ITPR2: variants seen among roughly 807,000 people sequenced by gnomAD.
ITPR2 encodes the protein inositol 1,4,5-trisphosphate-gated calcium channel ITPR2.
ITPR2 carries 207 observed loss-of-function variants against 317.1 expected under a neutral mutation model. The ratio of observed to expected loss-of-function variants is 0.65; its 90% confidence interval spans 0.58 to 0.73. ITPR2 has a LOEUF of 0.73. ITPR2 is among the 30% of genes least tolerant of loss of function. The pLI, the probability that ITPR2 is intolerant of heterozygous loss-of-function variation, is 0.00. For missense variants in ITPR2, 2,613 were observed against 3,284.0 expected (o/e 0.80, Z 4.99); for synonymous variants, 1,156 against 1,149.1 (o/e 1.01, Z -0.12).
chr12:26,391,592 T>G (rs1219813238), intron 54 of ITPR2, among the ~76,000 whole-genome samples: 2 of 130,478 alleles, frequency 1.5e-5, no homozygotes, highest in South Asian at 2.6e-4. Context: ...TTTGACAGAG[T>G]CTTGCTCTGT....
chr12:26,634,277 C>A (rs1300166747), intron 21 of ITPR2, among the ~76,000 whole-genome samples: 2 of 152,182 alleles, frequency 1.3e-5, no homozygotes, highest in Admixed American at 1.3e-4. Context: ...CACAGCCATG[C>A]AAAGCTTCTA....
At chr12:26,487,901 C>T (rs909642187) in intron 39 of ITPR2, among the ~76,000 whole-genome samples, 1 of 152,160 alleles carries the variant, frequency 6.6e-6, no homozygotes, top group African/African-American at 2.4e-5. Flanking sequence ...CATTGCTTTG[C>T]ATGGGGTCTC....
intron 43 of ITPR2, among the ~76,000 whole-genome samples, chr12:26,477,224 G>C (rs977345005): frequency 2.0e-5 from 3 of 152,050 alleles, no homozygotes; most frequent in African/African-American, 7.2e-5. Flanking sequence ...TATGTTACAA[G>C]AGATATTTTA....
chr12:26,527,592 G>A lies in ITPR2; in HGVS notation c.5073+22655C>T, dbSNP rs184836095. On this transcript the variant is annotated intron_variant, in intron 37 of 56. Coordinates refer to ENST00000381340, the MANE Select transcript of ITPR2 (RefSeq NM_002223.4). ...CATTAATAGTTCTCAAACTCACAGA[G>A]AAAAGAATGGATTTGGCACCAGTGA... Among the ~76,000 whole-genome samples the A allele has an allele frequency of 9.5e-4, 144 of 152,304 alleles. 2 individuals carry two copies. The highest frequency in any genetic ancestry group is 1.0e-4 in the Non-Finnish European group (7 of 68,030).
At position 26,385,887 on chromosome 12, in the gene ITPR2, T is replaced by G. The variant is rs556273218; in HGVS notation, c.7857+1547A>C. 8.0e-4 allele frequency among the ~76,000 whole-genome samples: 122 copies of G among 152,260 alleles called. 1 individual carries two copies. The highest frequency in any genetic ancestry group is 2.8e-3 in the African/African-American group (118 of 41,558). The stretch of plus-strand genomic sequence containing the variant: ...CGCAGGTTTTCATTTGGACTTCTCT[T>G]GTAGAACCTGGCATATTCTACTTTG... On this transcript the variant is annotated intron_variant, in intron 55 of 56. Transcript: ENST00000381340.
Position 26,698,322 on chromosome 12 carries a change from TA to T in ITPR2, c.952-2673del, listed in dbSNP as rs147322317. Among the ~76,000 whole-genome samples the T allele has an allele frequency of 2.8e-4, 42 of 152,302 alleles. 1 individual carries two copies. The East Asian group carries it at 8.1e-3, about 29-fold the overall frequency. On this transcript the variant is annotated intron_variant, in intron 9 of 56. Transcript: ENST00000381340. ...GCTAAGATTTTAAAAGCATGTCATG[TA>T]AGAGAAGAATGATAAACTAAATGTG...
intron 34 of ITPR2, among the ~76,000 whole-genome samples, chr12:26,568,015 T>TATATATTATATATA (rs1565609918): frequency 2.4e-5 from 2 of 84,944 alleles, no homozygotes; most frequent in East Asian, 3.7e-4. Flanking sequence ...ATTATATATA[T>TATATATTATATATA]ATATATATAT....
chr12:26,784,497 C>A (rs1258784086), intron 2 of ITPR2, among the ~76,000 whole-genome samples: 2 of 151,498 alleles, frequency 1.3e-5, no homozygotes, highest in East Asian at 2.0e-4. Flanking sequence ...CACGCCGCCA[C>A]GCCTGACTGG....
chr12:26,400,228 C>T lies in ITPR2; in HGVS notation c.7430G>A (p.Arg2477Lys). 6.3e-7 allele frequency: 1 copy of T among 1,590,016 alleles called. No homozygotes were observed. The highest frequency in any genetic ancestry group is 8.6e-7 in the Non-Finnish European group (1 of 1,165,062). Reference sequence around the variant, plus strand: ...GCACATAAGGAGAGTGTCACACGTCCTTTCAATTCCATCTTCATACTCTTC... The same window carrying T: ...GCACATAAGGAGAGTGTCACACGTCTTTTCAATTCCATCTTCATACTCTTC... ...ADEEYEDGIE[R>K]TCDTLLMCIV... Residue 2477 changes from arginine to lysine, a missense_variant, in exon 53 of 57, where the codon AGG (arginine) becomes AAG (lysine). Physicochemically the swap from Arg to Lys is conservative, Grantham distance 26. Around this residue, in one of 9 missense-constraint regions of ITPR2, gnomAD observed 113 missense variants for 129.2 expected, o/e 0.87. Coordinates refer to ENST00000381340, the MANE Select transcript of ITPR2 (RefSeq NM_002223.4).
At chr12:26,551,051 T>A (rs927037916) in intron 36 of ITPR2, among the ~76,000 whole-genome samples, 1 of 152,182 alleles carries the variant, frequency 6.6e-6, no homozygotes, top group Non-Finnish European at 1.5e-5. Flanking sequence ...GAACTTAAAA[T>A]CAAATAAAAT....
At chr12:26,616,729 T>A (rs1182199498) in intron 26 of ITPR2, among the ~76,000 whole-genome samples, 2 of 152,038 alleles carry the variant, frequency 1.3e-5, no homozygotes, top group African/African-American at 4.8e-5. Context: ...TCAGGTGACC[T>A]TGAACAACAT....
At chr12:26,604,359 A>G (rs7139258) in intron 26 of ITPR2, among the ~76,000 whole-genome samples, 111,157 of 151,460 alleles carry the variant, frequency 0.73, 41,050 homozygotes, top group East Asian at 0.95. Context: ...GCCTCTACAA[A>G]GACACTTTCT....
chr12:26,557,165 T>C (rs1944686686), intron 35 of ITPR2, among the ~76,000 whole-genome samples: 1 of 152,174 alleles, frequency 6.6e-6, no homozygotes, highest in Non-Finnish European at 1.5e-5. Flanking sequence ...GAAATATTAT[T>C]TGAAGCAATA....
In ITPR2 at chr12:26,656,464, G is replaced by A. The variant is rs762538894; in HGVS notation, c.2277C>T (p.Asp759=). ...INQISTQLSV[D]LILRCVSDES... ...CATCCGACACACACCGCAGGATCAG[G>A]TCTACAGACAGCTGTGTAGAAATCT... Residue 759 remains aspartate (D), a synonymous_variant, in exon 19 of 57, where the codon GAC becomes GAT. Transcript: ENST00000381340. 7.7e-5 allele frequency: 125 copies of A among 1,614,120 alleles called. 2 individuals carry two copies. The South Asian group carries it at 1.1e-3, about 14-fold the overall frequency.
chr12:26,516,270 AGGAAGGGAAGGGAAG>A (rs1591847735), intron 37 of ITPR2, among the ~76,000 whole-genome samples: 1,472 of 38,768 alleles, frequency 0.038, 67 homozygotes, highest in East Asian at 0.092. Context: ...AGGAAAGGAA[AGGAAGGGAAGGGAAG>A]GGAAAGGAAA....
At chr12:26,463,832 C>T (rs1942102970) in intron 45 of ITPR2, among the ~76,000 whole-genome samples, 1 of 152,154 alleles carries the variant, frequency 6.6e-6, no homozygotes, top group Non-Finnish European at 1.5e-5. Flanking sequence ...TTGTGTCCCT[C>T]CCTAACTACC....
intron 32 of ITPR2, among the ~76,000 whole-genome samples, chr12:26,587,078 C>T (rs986275140): frequency 5.9e-5 from 9 of 151,262 alleles, no homozygotes; most frequent in African/African-American, 2.2e-4. Context: ...ATTGGTTTGC[C>T]TACTTAATTC....
intron 22 of ITPR2, among the ~76,000 whole-genome samples, chr12:26,631,648 A>T (rs1177316740): frequency 6.6e-6 from 1 of 152,158 alleles, no homozygotes; most frequent in Non-Finnish European, 1.5e-5. Flanking sequence ...GTTAGATATG[A>T]TCATTAGTAT....
intron 2 of ITPR2, among the ~76,000 whole-genome samples, chr12:26,741,323 C>T (rs1397903914): frequency 2.0e-5 from 3 of 152,330 alleles, no homozygotes; most frequent in Non-Finnish European, 4.4e-5. Flanking sequence ...TAATTAGAAA[C>T]GTTCTCAACT....
Sources: gnomAD v4.1 joint callset for allele counts (sites outside exome capture counted in the v4.1 genomes callset) on GRCh38, gnomAD v4.1.1 for gene constraint, gnomAD v4.1.1 regional missense constraint, MANE v1.5 for transcripts, NCBI Gene and HGNC (gene_info 2026-07-23, HGNC 2026-07-21) for gene names.